The following CDK15 variants were observed in gnomAD, a reference collection of about 807,000 sequenced individuals.
The protein encoded by CDK15 is cyclin dependent kinase 15.
CDK15 carries 62 observed loss-of-function variants against 60.3 expected under a neutral mutation model. The observed-to-expected ratio is 1.03, with a 90% CI of 0.84 to 1.27. The LOEUF is 1.27. Among genes scored for constraint, CDK15 ranks in the 50% most tolerant of loss-of-function variants. The pLI is 0.00. For synonymous variants in CDK15, 194 were observed against 195.7 expected (o/e 0.99, Z 0.07); for missense variants, 541 against 527.8 (o/e 1.03, Z -0.25).
In CDK15 at chr2:201,812,540, C is replaced by G. The variant is rs55702519; in HGVS notation, c.426C>G (p.Val142=). 0.02 allele frequency: 31,507 copies of G among 1,611,978 alleles called. 343 individuals are homozygous for G. The highest frequency in any genetic ancestry group is 0.023 in the Non-Finnish European group (27,008 of 1,178,438). The change falls in exon 4 of 14, where the codon GTC becomes GTG. Residue 142 remains valine (V), a synonymous_variant. Transcript: ENST00000652192. ...KVISMNAEEG[V]PFTAIREASL... is the part of the protein sequence containing the mutation. Reference sequence around the variant, plus strand: ...TCAGCATGAATGCAGAGGAAGGAGTCCCATTTACAGCTATCCGAGAAGGTA... The same window carrying G: ...TCAGCATGAATGCAGAGGAAGGAGTGCCATTTACAGCTATCCGAGAAGGTA...
At chr2:201,874,021 T>G (rs1471393528) in intron 11 of CDK15, among the ~76,000 whole-genome samples, 1 of 137,250 alleles carries the variant, frequency 7.3e-6, no homozygotes, top group Non-Finnish European at 1.5e-5. Context: ...GCCACTGCAT[T>G]CCAGCCTGGG....
chr2:201,844,393 A>T (rs1697547568), intron 8 of CDK15, among the ~76,000 whole-genome samples: 1 of 152,194 alleles, frequency 6.6e-6, no homozygotes, highest in Non-Finnish European at 1.5e-5. Flanking sequence ...GCTAGCAACC[A>T]GGGTGTTTTT....
intron 12 of CDK15, among the ~76,000 whole-genome samples, chr2:201,890,081 C>T (rs1699592590): frequency 6.6e-6 from 1 of 151,410 alleles, no homozygotes. Flanking sequence ...AAAAGATTGC[C>T]TAATGTATCT....
chr2:201,820,370 G>A (rs1696166795), intron 4 of CDK15, among the ~76,000 whole-genome samples: 1 of 152,172 alleles, frequency 6.6e-6, no homozygotes, highest in African/African-American at 2.4e-5. Context: ...AGGGTGAAAG[G>A]CAGGGGCAAG....
chr2:201,862,453 G>A (rs1324640277), intron 10 of CDK15, among the ~76,000 whole-genome samples: 1 of 152,194 alleles, frequency 6.6e-6, no homozygotes, highest in Non-Finnish European at 1.5e-5. Context: ...ATGACTAAGA[G>A]TTAGAAAACC....
At chr2:201,877,656 C>G (rs1261333832) in intron 11 of CDK15, among the ~76,000 whole-genome samples, 1 of 152,196 alleles carries the variant, frequency 6.6e-6, no homozygotes, top group African/African-American at 2.4e-5. Context: ...AAAACCTCTG[C>G]CTGGACAGGA....
chr2:201,816,465 T>TTTG (rs1432154258), intron 4 of CDK15, among the ~76,000 whole-genome samples: 11 of 147,582 alleles, frequency 7.5e-5, no homozygotes, highest in African/African-American at 2.8e-4. Context: ...GTTTTTTTTT[T>TTTG]TTTTTTTTTT....
intron 12 of CDK15, among the ~76,000 whole-genome samples, chr2:201,881,746 A>G (rs1285792746): frequency 6.6e-6 from 1 of 151,700 alleles, no homozygotes; most frequent in South Asian, 2.1e-4. Flanking sequence ...CTCTGCCCCC[A>G]CTTCAGCCCC....
At chr2:201,877,967 G>T (rs985994377) in intron 11 of CDK15, among the ~76,000 whole-genome samples, 1 of 152,144 alleles carries the variant, frequency 6.6e-6, no homozygotes, top group Non-Finnish European at 1.5e-5. Flanking sequence ...CTGCATCATG[G>T]CACCTGGAAG....
intron 10 of CDK15, chr2:201,860,822 T>A (rs922791760): frequency 7.4e-7 from 1 of 1,352,180 alleles, no homozygotes; most frequent in Non-Finnish European, 9.8e-7. Flanking sequence ...TCTAGGAATG[T>A]CTCATTTTGA....
rs371388573 is a variant in CDK15, at chr2:201,807,666, T to C, written c.273+23T>C. The C allele has an allele frequency of 8.7e-6, 14 of 1,613,458 alleles. No homozygotes were observed. In the African/African-American group the frequency reaches 1.1e-4, roughly 12 times the overall value. On this transcript the variant is annotated intron_variant, in intron 2 of 13. Transcript: ENST00000652192. ...TGGGTGAGTGAGCAGCTGATGTTGA[T>C]CAAGAAGAATTTAATGTGAGCTTGT...
At chr2:201,837,494 GGAAGGAAGGAAGGAAGGAAA>G (rs1408701469) in intron 8 of CDK15, among the ~76,000 whole-genome samples, 1 of 134,176 alleles carries the variant, frequency 7.5e-6, no homozygotes, top group African/African-American at 3.1e-5. Context: ...AAGGAAGGAA[GGAAGGAAGGAAGGAAGGAAA>G]GAAGGAAAGA....
At position 201,847,402 on chromosome 2, in the gene CDK15, TGA is replaced by T. The variant is rs1697718082; in HGVS notation, c.874_875del (p.Glu292AsnfsTer16). 2 of 1,613,960 alleles carry T rather than the reference TGA, an allele frequency of 1.2e-6. No individual in the cohort carries two copies. Among genetic ancestry groups the T allele is most frequent in the Non-Finnish European group, 1.7e-6 (2 of 1,180,000 alleles). ...CTAGGGGTGCAGGCTGCATCTTTAT[TGA>T]AATGTTCCAGGGTCAACCTTTGTTT... ...DIWGAGCIFI[E>X]MFQGQPLFPG... On this transcript the variant is annotated frameshift_variant, in exon 9 of 14. Coordinates refer to ENST00000652192, the MANE Select transcript of CDK15 (RefSeq NM_001366386.2). LOFTEE classifies it high-confidence loss of function.
At chr2:201,872,629 G>C (rs926078568) in intron 11 of CDK15, among the ~76,000 whole-genome samples, 1 of 151,522 alleles carries the variant, frequency 6.6e-6, no homozygotes, top group Non-Finnish European at 1.5e-5. Context: ...ATTATTCTCT[G>C]ACACAGAGAA....
chr2:201,807,786 G>C (rs1695580435), intron 2 of CDK15, 72 bp from the exon 3 acceptor site: 3 of 1,550,846 alleles, frequency 1.9e-6, no homozygotes, highest in Non-Finnish European at 1.7e-6. Flanking sequence ...GGGAAAAAAA[G>C]TCAACACTAA....
intron 11 of CDK15, among the ~76,000 whole-genome samples, chr2:201,876,893 G>C (rs2105826520): frequency 6.6e-6 from 1 of 152,198 alleles, no homozygotes; most frequent in Non-Finnish European, 1.5e-5. Context: ...GACCTCCTGG[G>C]CTCAGGTGAT....
chr2:201,852,679 T>G (rs1412558129), intron 9 of CDK15, among the ~76,000 whole-genome samples: 6 of 152,168 alleles, frequency 3.9e-5, no homozygotes, highest in Non-Finnish European at 8.8e-5. Context: ...TTTAAGAGCC[T>G]TCAGGGAGGG....
chr2:201,877,849 T>C (rs1159787018), intron 11 of CDK15, among the ~76,000 whole-genome samples: 1 of 152,246 alleles, frequency 6.6e-6, no homozygotes, highest in Non-Finnish European at 1.5e-5. Flanking sequence ...GTTATCTGTT[T>C]GCAGAAACAG....
intron 2 of CDK15, 69 bp downstream of exon 2, chr2:201,807,712 T>A: frequency 6.3e-7 from 1 of 1,594,372 alleles, no homozygotes; most frequent in Non-Finnish European, 8.6e-7. Flanking sequence ...CGGCCCTTGC[T>A]TCCAGGGCAA....
Sources: gnomAD v4.1 joint callset for allele counts (sites outside exome capture counted in the v4.1 genomes callset) on GRCh38, gnomAD v4.1.1 for gene constraint, MANE v1.5 for transcripts, NCBI Gene and HGNC (gene_info 2026-07-23, HGNC 2026-07-21) for gene names.